The following DCUN1D5 variants were observed in gnomAD, a reference collection of about 807,000 sequenced individuals.
DCUN1D5 encodes the protein defective in cullin neddylation 1 domain containing 5.
DCUN1D5 carries 10 observed loss-of-function variants against 38.3 expected under a neutral mutation model. The observed-to-expected ratio is 0.26, with a 90% CI of 0.16 to 0.44. The LOEUF (loss-of-function observed/expected upper bound fraction) is 0.44, where lower values mean the gene tolerates loss of function less well. Among genes scored for constraint, DCUN1D5 ranks in the 20% least tolerant of loss-of-function variants. The probability of loss-of-function intolerance (pLI) is 1.00; values close to 1 mark genes in which losing one functional copy is unlikely to be tolerated. For synonymous variants in DCUN1D5, 93 were observed against 90.9 expected (o/e 1.02, Z -0.13); for missense variants, 148 against 275.3 (o/e 0.54, Z 3.27).
rs1018820780 is a variant in DCUN1D5, at chr11:103,051,397, T to TGAAA, written c.*10958_*10961dup. 1 of 151,620 alleles carries TGAAA rather than the reference T, an allele frequency of 6.6e-6. No homozygotes were observed. Among genetic ancestry groups the TGAAA allele is most frequent in the African/African-American group, 2.4e-5 (1 of 41,200 alleles). 9.4% of individuals were successfully genotyped at this position (151,620 alleles called of 1,614,324 possible). On this transcript the variant is annotated 3_prime_UTR_variant, in exon 8 of 8. Transcript: ENST00000260247. ...AGCAACCTTAGAAATGATATCAGCATGAAAAGTTCATGACTTATTCACCTG... is the reference window on the plus strand; with the variant it reads ...AGCAACCTTAGAAATGATATCAGCATGAAAGAAAAGTTCATGACTTATTCACCTG...
rs959989242 is a variant in DCUN1D5 at position 103,053,568 on chromosome 11, TATATGA to T, written c.*8785_*8790del. On this transcript the variant is annotated 3_prime_UTR_variant, in exon 8 of 8. Coordinates refer to ENST00000260247, the MANE Select transcript of DCUN1D5 (RefSeq NM_032299.4). This position sits in a 1 kb window ranked among gnomAD's most constrained non-coding sequence, Gnocchi z 4.8. ...GATATCCCAATTATCTTCATTTAAT[TATATGA>T]ATATATCATACTATCACATGTACCC... The T allele has an allele frequency of 6.6e-6, 1 of 152,050 alleles. No homozygotes were observed. The highest frequency in any genetic ancestry group is 2.4e-5 in the African/African-American group (1 of 41,418). The allele number at this position is 152,050 out of a possible 1,614,324, so 9.4% of individuals were successfully genotyped here. A position where few individuals can be genotyped will look rare whatever the true frequency, so the allele number is the denominator to read the frequency against.
chr11:103,091,972 G>C lies in DCUN1D5; in HGVS notation c.-100C>G. On this transcript the variant is annotated 5_prime_UTR_variant, in exon 1 of 8. Coordinates refer to ENST00000260247, the MANE Select transcript of DCUN1D5 (RefSeq NM_032299.4). This position sits in a 1 kb window ranked among gnomAD's most constrained non-coding sequence, Gnocchi z 4.3. ...TGGCACCCAGTTCCCAGAGACAGCAGCAAGCGGAGGAGCAGAGTCGCCAGC... is the reference window on the plus strand; with the variant it reads ...TGGCACCCAGTTCCCAGAGACAGCACCAAGCGGAGGAGCAGAGTCGCCAGC... 4 of 1,148,480 alleles carry C rather than the reference G, an allele frequency of 3.5e-6. No homozygotes were observed. Among genetic ancestry groups the C allele is most frequent in the Non-Finnish European group, 4.9e-6 (4 of 824,566 alleles). The allele number at this position is 1,148,480 out of a possible 1,614,324, so 71.1% of individuals were successfully genotyped here. A position where few individuals can be genotyped will look rare whatever the true frequency, so the allele number is the denominator to read the frequency against.
At position 103,058,922 on chromosome 11, in the gene DCUN1D5, A is replaced by T. The variant is rs1591199333; in HGVS notation, c.*3437T>A. On this transcript the variant is annotated 3_prime_UTR_variant, in exon 8 of 8. Transcript: ENST00000260247. ...GGGGGGGGTTTTAATTTTATTTTTT[A>T]TTTTTGGCCTTTTGCTTTAACAAAG... Among the ~76,000 whole-genome samples the T allele has an allele frequency of 6.8e-6, 1 of 146,422 alleles. No homozygotes were observed. The highest frequency in any genetic ancestry group is 2.5e-5 in the African/African-American group (1 of 39,420).
chr11:103,089,212 T>G lies in DCUN1D5; in HGVS notation c.178+15A>C. The G allele has an allele frequency of 6.2e-7, 1 of 1,610,276 alleles. No individual in the cohort carries two copies. The highest frequency in any genetic ancestry group is 1.1e-5 in the South Asian group (1 of 90,956). On this transcript the variant is annotated intron_variant, in intron 2 of 7. Coordinates refer to ENST00000260247, the MANE Select transcript of DCUN1D5 (RefSeq NM_032299.4). Reference sequence around the variant, plus strand: ...AAAGCATATGACTAGTATCTTCTTATATTAATTTCATTACCTGCATATTCA... The same window carrying G: ...AAAGCATATGACTAGTATCTTCTTAGATTAATTTCATTACCTGCATATTCA...
rs1861983493 is a variant in DCUN1D5, at chr11:103,060,376, T to G, written c.*1983A>C. Among the ~76,000 whole-genome samples the G allele has an allele frequency of 6.6e-6, 1 of 152,154 alleles. No individual in the cohort carries two copies. Among genetic ancestry groups the G allele is most frequent in the Non-Finnish European group, 1.5e-5 (1 of 68,028 alleles). On this transcript the variant is annotated 3_prime_UTR_variant, in exon 8 of 8. Coordinates refer to ENST00000260247, the MANE Select transcript of DCUN1D5 (RefSeq NM_032299.4). Reference sequence around the variant, plus strand: ...CTGTTGACCCTTGAACAGCATGAGTTTGAACTGTGTGGGTCTGCTTATACG... The same window carrying G: ...CTGTTGACCCTTGAACAGCATGAGTGTGAACTGTGTGGGTCTGCTTATACG...
At position 103,071,293 on chromosome 11, in the gene DCUN1D5, C is replaced by CA. The variant is rs1347351839; in HGVS notation, c.342-4727dup. On this transcript the variant is annotated intron_variant, in intron 4 of 7. Coordinates refer to ENST00000260247, the MANE Select transcript of DCUN1D5 (RefSeq NM_032299.4). This position sits in a 1 kb window ranked among gnomAD's most constrained non-coding sequence, Gnocchi z 4.1. Reference sequence around the variant, plus strand: ...ATTGACAATTCTCTAACAAGACTGACAAAAAAGAGAGAAGACAAAAATTAC... The same window carrying CA: ...ATTGACAATTCTCTAACAAGACTGACAAAAAAAGAGAGAAGACAAAAATTAC... Among the ~76,000 whole-genome samples the CA allele has an allele frequency of 1.3e-5, 2 of 151,394 alleles. No homozygotes were observed. The highest frequency in any genetic ancestry group is 3.0e-5 in the Non-Finnish European group (2 of 67,786).
In DCUN1D5 at chr11:103,066,256, A is replaced by G. The variant is rs556347566; in HGVS notation, c.555+13T>C. ...TAAAATAATATTTTCAAAATTCGAA[A>G]AAACATACGTACCTCCAGGTACTGG... On this transcript the variant is annotated intron_variant, in intron 6 of 7. Coordinates refer to ENST00000260247, the MANE Select transcript of DCUN1D5 (RefSeq NM_032299.4). This position sits in a 1 kb window ranked among gnomAD's most constrained non-coding sequence, Gnocchi z 4.7. 1.2e-5 allele frequency: 18 copies of G among 1,503,998 alleles called. No homozygotes were observed. The Middle Eastern group carries it at 5.2e-4, about 44-fold the overall frequency. 93.2% of individuals were successfully genotyped at this position (1,503,998 alleles called of 1,614,324 possible). A position where few individuals can be genotyped will look rare whatever the true frequency, so the allele number is the denominator to read the frequency against.
Position 103,092,027 on chromosome 11 carries a change from G to A in DCUN1D5, c.-155C>T, listed in dbSNP as rs1404106309. 6.2e-6 allele frequency: 4 copies of A among 648,396 alleles called. No homozygotes were observed. Among genetic ancestry groups the A allele is most frequent in the Non-Finnish European group, 1.0e-5 (4 of 383,064 alleles). The allele number at this position is 648,396 out of a possible 1,614,324, so 40.2% of individuals were successfully genotyped here. The stretch of plus-strand genomic sequence containing the variant: ...ACCGGCGCGGCCCAGCCCGGCCGCC[G>A]CCCGCTCCCAGGTATCCTCGTCGTC... On this transcript the variant is annotated 5_prime_UTR_variant, in exon 1 of 8. Transcript: ENST00000260247.
rs1050152426 is a variant in DCUN1D5, at chr11:103,087,676, G to T, written c.178+1551C>A. On this transcript the variant is annotated intron_variant, in intron 2 of 7. Transcript: ENST00000260247. This position sits in a 1 kb window ranked among gnomAD's most constrained non-coding sequence, Gnocchi z 4.1. Reference sequence around the variant, plus strand: ...AAAAATAAAGTCGTAGTGGGAGGTGGTGATAATACTACCTACTTAATAGAA... The same window carrying T: ...AAAAATAAAGTCGTAGTGGGAGGTGTTGATAATACTACCTACTTAATAGAA... Among the ~76,000 whole-genome samples, 2 of 152,116 alleles carry T rather than the reference G, an allele frequency of 1.3e-5. No homozygotes were observed. The highest frequency in any genetic ancestry group is 3.9e-4 in the East Asian group (2 of 5,186).
At position 103,087,857 on chromosome 11, in the gene DCUN1D5, A is replaced by G. The variant is rs1233963689; in HGVS notation, c.178+1370T>C. On this transcript the variant is annotated intron_variant, in intron 2 of 7. Transcript: ENST00000260247. This position sits in a 1 kb window ranked among gnomAD's most constrained non-coding sequence, Gnocchi z 4.1. ...GTTGAGGCAAATATTTTCTATTTCTATTGTATCTAGTAACCTTTATAAGTG... is the reference window on the plus strand; with the variant it reads ...GTTGAGGCAAATATTTTCTATTTCTGTTGTATCTAGTAACCTTTATAAGTG... Among the ~76,000 whole-genome samples, 1 of 152,172 alleles carries G rather than the reference A, an allele frequency of 6.6e-6. No individual in the cohort carries two copies. The highest frequency in any genetic ancestry group is 1.5e-5 in the Non-Finnish European group (1 of 68,026).
rs1861946176 is a variant in DCUN1D5 at position 103,059,007 on chromosome 11, T to G, written c.*3352A>C. On this transcript the variant is annotated 3_prime_UTR_variant, in exon 8 of 8. Transcript: ENST00000260247. Reference sequence around the variant, plus strand: ...AAATGCCCTCAATTTATTTGATGCCTTAGACATTTAAAACATTAAGCTGTA... The same window carrying G: ...AAATGCCCTCAATTTATTTGATGCCGTAGACATTTAAAACATTAAGCTGTA... 6.6e-6 allele frequency among the ~76,000 whole-genome samples: 1 copy of G among 152,030 alleles called. No homozygotes were observed. The highest frequency in any genetic ancestry group is 2.1e-4 in the South Asian group (1 of 4,816).
rs1255188016 is a variant in DCUN1D5 at position 103,083,894 on chromosome 11, A to G, written c.179-568T>C. Among the ~76,000 whole-genome samples, 1 of 152,166 alleles carries G rather than the reference A, an allele frequency of 6.6e-6. No homozygotes were observed. The highest frequency in any genetic ancestry group is 1.5e-5 in the Non-Finnish European group (1 of 67,986). On this transcript the variant is annotated intron_variant, in intron 2 of 7. Transcript: ENST00000260247. The surrounding 1 kb of genome is among the most constrained non-coding windows in gnomAD (Gnocchi z 4.4). ...ATTACTACATTCCATTTCCAGAAAG[A>G]GCTATTTTCCTTATCATCTTGGTTC... is the stretch of plus-strand genomic sequence containing the variant.
chr11:103,077,154 C>G lies in DCUN1D5; in HGVS notation c.341+5594G>C, dbSNP rs562522420. Among the ~76,000 whole-genome samples, 137 of 152,038 alleles carry G rather than the reference C, an allele frequency of 9.0e-4. No homozygotes were observed. The highest frequency in any genetic ancestry group is 3.3e-3 in the African/African-American group (135 of 41,480). On this transcript the variant is annotated intron_variant, in intron 4 of 7. Coordinates refer to ENST00000260247, the MANE Select transcript of DCUN1D5 (RefSeq NM_032299.4). This position sits in a 1 kb window ranked among gnomAD's most constrained non-coding sequence, Gnocchi z 4.3. ...GGCGGAGCTTGCAGTGAGCCGAGAT[C>G]GCGCCACTGCACTCCAGCCTGGGAG...
rs1171407476 is a variant in DCUN1D5, at chr11:103,063,428, T to C, written c.658+847A>G. Among the ~76,000 whole-genome samples the C allele has an allele frequency of 2.0e-5, 3 of 152,174 alleles. No individual in the cohort carries two copies. The highest frequency in any genetic ancestry group is 7.2e-5 in the African/African-American group (3 of 41,450). On this transcript the variant is annotated intron_variant, in intron 7 of 7. Coordinates refer to ENST00000260247, the MANE Select transcript of DCUN1D5 (RefSeq NM_032299.4). This position sits in a 1 kb window ranked among gnomAD's most constrained non-coding sequence, Gnocchi z 4.6. ...CTGCCAGGTTACTGCTGCTAGGTAT[T>C]ATTTCTTTAAAATAATACTAAATTT...
chr11:103,053,912 A>C lies in DCUN1D5; in HGVS notation c.*8447T>G, dbSNP rs915811200. The C allele has an allele frequency of 1.3e-5, 2 of 152,122 alleles. No homozygotes were observed. Among genetic ancestry groups the C allele is most frequent in the African/African-American group, 4.8e-5 (2 of 41,448 alleles). The allele number at this position is 152,122 out of a possible 1,614,324, so 9.4% of individuals were successfully genotyped here. A position where few individuals can be genotyped will look rare whatever the true frequency, so the allele number is the denominator to read the frequency against. ...ATATTTACTGCCTGTATTTCATTTC[A>C]TCCTCAAAATAATGCTATTAGATAA... On this transcript the variant is annotated 3_prime_UTR_variant, in exon 8 of 8. Transcript: ENST00000260247. The surrounding 1 kb of genome is among the most constrained non-coding windows in gnomAD (Gnocchi z 4.8).
chr11:103,084,055 C>T (rs1862635736), intron 2 of DCUN1D5, among the ~76,000 whole-genome samples: 1 of 152,134 alleles, frequency 6.6e-6, no homozygotes, highest in Non-Finnish European at 1.5e-5. Flanking sequence ...CCCTTAGCAA[C>T]ATTAATAAAT....
In DCUN1D5 at chr11:103,089,308, A is replaced by T; in HGVS notation, c.97T>A (p.Ser33Thr). The change falls in exon 2 of 8, where the codon TCC (serine) becomes ACC (threonine). Residue 33 changes from serine to threonine, a missense_variant. By Grantham distance (58) the Ser-to-Thr change is moderately conservative. Coordinates refer to ENST00000260247, the MANE Select transcript of DCUN1D5 (RefSeq NM_032299.4). ...CTTATTAGTCTAGCAGGGGGTTGGGATCTGCAATAGCTTAGAAAACACACA... is the reference window on the plus strand; with the variant it reads ...CTTATTAGTCTAGCAGGGGGTTGGGTTCTGCAATAGCTTAGAAAACACACA... The part of the protein sequence containing the change: ...KKCKISSYCR[S>T]QPPARLISGE... The T allele has an allele frequency of 6.2e-7, 1 of 1,606,452 alleles. No homozygotes were observed.
intron 4 of DCUN1D5, among the ~76,000 whole-genome samples, chr11:103,070,344 G>A (rs908158955): frequency 1.3e-5 from 2 of 152,120 alleles, no homozygotes; most frequent in African/African-American, 4.8e-5. Flanking sequence ...CAGGTTGAAA[G>A]TGAAACAATG....
At chr11:103,089,661 A>G (rs932206151) in intron 1 of DCUN1D5, among the ~76,000 whole-genome samples, 2 of 152,170 alleles carry the variant, frequency 1.3e-5, no homozygotes, top group Admixed American at 6.5e-5. Flanking sequence ...TTGCATAGAA[A>G]TTCTATTTGT....
Sources: gnomAD v4.1 joint callset for allele counts (sites outside exome capture counted in the v4.1 genomes callset) on GRCh38, gnomAD v4.1.1 for gene constraint, Gnocchi (gnomAD v3.1) non-coding constraint, MANE v1.5 for transcripts, NCBI Gene and HGNC (gene_info 2026-07-23, HGNC 2026-07-21) for gene names.